Variants in ARHGAP32 observed in about 807,000 individuals in gnomAD.
ARHGAP32 encodes rho GTPase-activating protein 32.
Under a neutral mutation model 186.5 loss-of-function variants are expected in ARHGAP32, and 51 were observed. That is an observed-to-expected ratio of 0.27 (90% CI 0.22 to 0.35). ARHGAP32 has a LOEUF of 0.35. ARHGAP32 is among the 10% of genes least tolerant of loss of function. ARHGAP32 has a pLI of 1.00. For missense variants in ARHGAP32, 2,186 were observed against 2,623.5 expected (o/e 0.83, Z 3.64); for synonymous variants, 950 against 964.3 (o/e 0.99, Z 0.27).
chr11:129,102,881 C>A (rs190885102), intron 5 of ARHGAP32, among the ~76,000 whole-genome samples: 16 of 152,194 alleles, frequency 1.1e-4, no homozygotes, highest in Admixed American at 9.2e-4. Context: ...TGGGTATACA[C>A]CCCCCAAAGA....
chr11:129,095,190 A>T (rs1941696894), intron 5 of ARHGAP32, among the ~76,000 whole-genome samples: 1 of 152,240 alleles, frequency 6.6e-6, no homozygotes. Context: ...AAAGAAACCT[A>T]CATGAACTAG....
At chr11:129,081,797 G>A (rs1050219459) in intron 6 of ARHGAP32, among the ~76,000 whole-genome samples, 1 of 152,006 alleles carries the variant, frequency 6.6e-6, no homozygotes, top group Non-Finnish European at 1.5e-5. Context: ...GACTGGTAAA[G>A]AGGAAGTCAA....
chr11:129,085,644 A>G (rs938584008), intron 6 of ARHGAP32, among the ~76,000 whole-genome samples: 6 of 152,150 alleles, frequency 3.9e-5, no homozygotes, highest in African/African-American at 1.2e-4. Context: ...AAAAACCAAG[A>G]CAACACTGAA....
At position 128,969,919 on chromosome 11, in the gene ARHGAP32, C is replaced by A. The variant is rs369657717; in HGVS notation, c.5294G>T (p.Arg1765Leu). Residue 1765 changes from arginine to leucine, a missense_variant, in exon 23 of 23, where the codon CGC becomes CTC. This residue lies in a region of ARHGAP32 where 1,502 missense variants were observed against 1,570.0 expected (regional missense o/e 0.96). Transcript: ENST00000682385. The surrounding 1 kb of genome is among the most constrained non-coding windows in gnomAD (Gnocchi z 4.8). ...GCTCTCTCTCCGGATGGACTGCATG[C>A]GGTATTTTTCCATGTCCTCAAGATC... is the stretch of plus-strand genomic sequence containing the variant. The part of the protein sequence containing the change: ...SWDLEDMEKY[R>L]MQSIRRESRA... 4.3e-6 allele frequency: 7 copies of A among 1,614,180 alleles called. No individual in the cohort carries two copies. The highest frequency in any genetic ancestry group is 1.7e-5 in the Admixed American group (1 of 60,026).
At chr11:129,174,037 A>C (rs1943837145) in intron 1 of ARHGAP32, among the ~76,000 whole-genome samples, 1 of 152,242 alleles carries the variant, frequency 6.6e-6, no homozygotes, top group African/African-American at 2.4e-5. Flanking sequence ...TACCAGGTTC[A>C]TCTCACTAGG....
chr11:129,194,950 G>T (rs1331301749), upstream of ARHGAP32, among the ~76,000 whole-genome samples: 12 of 100,964 alleles, frequency 1.2e-4, no homozygotes, highest in South Asian at 6.3e-4. Context: ...TTTTTTTGTG[G>T]GGGGGGGGGT....
At chr11:128,996,592 T>C in intron 12 of ARHGAP32, among the ~76,000 whole-genome samples, 1 of 152,162 alleles carries the variant, frequency 6.6e-6, no homozygotes, top group East Asian at 1.9e-4. Context: ...TATGATGAAG[T>C]GTGAATTTTT....
chr11:129,193,618 T>TATATAATATATATTATATATAA, upstream of ARHGAP32, among the ~76,000 whole-genome samples: 2 of 57,166 alleles, frequency 3.5e-5, no homozygotes, highest in African/African-American at 1.4e-4. Context: ...ATAATATATG[T>TATATAATATATATTATATATAA]TATATAATAT....
intron 6 of ARHGAP32, among the ~76,000 whole-genome samples, chr11:129,092,058 G>A (rs1157007953): frequency 6.6e-6 from 1 of 151,938 alleles, no homozygotes; most frequent in Non-Finnish European, 1.5e-5. Flanking sequence ...ATACCAAGTA[G>A]TATGAAATTT....
At chr11:128,988,405 G>T (rs1340737473) in intron 12 of ARHGAP32, among the ~76,000 whole-genome samples, 2 of 152,130 alleles carry the variant, frequency 1.3e-5, no homozygotes, top group Non-Finnish European at 2.9e-5. Flanking sequence ...TCTTTCTTCT[G>T]CAGTAGACTC....
chr11:129,209,252 T>TA (rs1944550779), intron 1 of ARHGAP32, among the ~76,000 whole-genome samples: 1 of 152,100 alleles, frequency 6.6e-6, no homozygotes, highest in African/African-American at 2.4e-5. Flanking sequence ...ATTCAAACCT[T>TA]AAGGTGAAAA....
At chr11:128,979,346 G>A (rs1945645807) in intron 18 of ARHGAP32, among the ~76,000 whole-genome samples, 1 of 152,096 alleles carries the variant, frequency 6.6e-6, no homozygotes, top group African/African-American at 2.4e-5. Context: ...TGAATGCCAG[G>A]CACTGTGCTA....
intron 20 of ARHGAP32, among the ~76,000 whole-genome samples, chr11:128,975,735 G>A (rs1354570805): frequency 6.6e-6 from 1 of 152,012 alleles, no homozygotes; most frequent in African/African-American, 2.4e-5. Context: ...ATTTAAAGAG[G>A]CAGAAACTAT....
intron 5 of ARHGAP32, among the ~76,000 whole-genome samples, chr11:129,115,902 G>C (rs1026407156): frequency 2.6e-5 from 4 of 152,030 alleles, no homozygotes; most frequent in African/African-American, 9.7e-5. Flanking sequence ...AGGAGAATGG[G>C]CAGGAATGCC....
intron 1 of ARHGAP32, among the ~76,000 whole-genome samples, chr11:129,233,682 G>A (rs546660030): frequency 6.6e-6 from 1 of 151,076 alleles, no homozygotes; most frequent in South Asian, 2.1e-4. Context: ...AGTAACTGCA[G>A]TATATTCATA....
intron 11 of ARHGAP32, among the ~76,000 whole-genome samples, chr11:129,031,940 G>A (rs1246002062): frequency 1.3e-5 from 2 of 152,166 alleles, no homozygotes; most frequent in African/African-American, 2.4e-5. Flanking sequence ...CAGGACTTCA[G>A]AGGAGAGTTC....
At chr11:129,167,747 G>C (rs1372305325) in intron 1 of ARHGAP32, among the ~76,000 whole-genome samples, 1 of 152,064 alleles carries the variant, frequency 6.6e-6, no homozygotes, top group African/African-American at 2.4e-5. Context: ...ACTAATAGGT[G>C]AGGGATTTCA....
intron 6 of ARHGAP32, among the ~76,000 whole-genome samples, chr11:129,078,063 C>T (rs1591594473): frequency 6.6e-6 from 1 of 152,130 alleles, no homozygotes; most frequent in East Asian, 1.9e-4. Flanking sequence ...CTCACAGAGC[C>T]CACTTCATTC....
chr11:128,993,348 G>T (rs555243311), intron 12 of ARHGAP32: 1 of 152,042 alleles, frequency 6.6e-6, no homozygotes, highest in African/African-American at 2.4e-5. Flanking sequence ...CACATAAAAC[G>T]TAATTTTGAT....
Sources: gnomAD v4.1 joint callset for allele counts (sites outside exome capture counted in the v4.1 genomes callset) on GRCh38, gnomAD v4.1.1 for gene constraint, gnomAD v4.1.1 regional missense constraint, Gnocchi (gnomAD v3.1) non-coding constraint, MANE v1.5 for transcripts, NCBI Gene and HGNC (gene_info 2026-07-23, HGNC 2026-07-21) for gene names.